Variants in ZNF385D observed in about 807,000 individuals in gnomAD.
ZNF385D encodes zinc finger protein 385D.
ZNF385D carries 15 observed loss-of-function variants against 35.8 expected under a neutral mutation model. The observed-to-expected ratio is 0.42, with a 90% CI of 0.28 to 0.64. The LOEUF is 0.64. Among genes scored for constraint, ZNF385D ranks in the 30% least tolerant of loss-of-function variants. The pLI is 0.23. For missense variants in ZNF385D, 474 were observed against 494.6 expected (o/e 0.96, Z 0.39); for synonymous variants, 212 against 186.8 (o/e 1.13, Z -1.10).
At chr3:22,314,975 C>T (rs1703804880) in intron 2 of ZNF385D, among the ~76,000 whole-genome samples, 1 of 152,062 alleles carries the variant, frequency 6.6e-6, no homozygotes, top group Non-Finnish European at 1.5e-5. Flanking sequence ...AATATGGGCC[C>T]ATCACATGTA....
intron 3 of ZNF385D, among the ~76,000 whole-genome samples, chr3:21,841,326 T>C (rs1695659048): frequency 6.6e-6 from 1 of 152,070 alleles, no homozygotes. Context: ...GTTTTTCTAC[T>C]ACAGTGTTGC....
At chr3:21,669,692 C>T (rs960467203) in intron 1 of ZNF385D, among the ~76,000 whole-genome samples, 2 of 152,150 alleles carry the variant, frequency 1.3e-5, no homozygotes, top group Non-Finnish European at 2.9e-5. Flanking sequence ...TAACACAGTG[C>T]CTGGCCAACT....
At chr3:22,131,950 G>A (rs1383360808) in intron 3 of ZNF385D, among the ~76,000 whole-genome samples, 1 of 152,166 alleles carries the variant, frequency 6.6e-6, no homozygotes, top group Non-Finnish European at 1.5e-5. Flanking sequence ...AAGCCAGTAT[G>A]GAAGTCTGAA....
chr3:21,551,303 G>A (rs2062560781), intron 3 of ZNF385D, among the ~76,000 whole-genome samples: 1 of 152,214 alleles, frequency 6.6e-6, no homozygotes, highest in African/African-American at 2.4e-5. Flanking sequence ...ACAAACAGCA[G>A]AGACATGAAC....
chr3:22,019,034 C>CTTTTTTTTTCTT (rs1697061553), intron 3 of ZNF385D, among the ~76,000 whole-genome samples: 1 of 64,460 alleles, frequency 1.6e-5, no homozygotes, highest in Non-Finnish European at 2.8e-5. Flanking sequence ...AGTTATTTAC[C>CTTTTTTTTTCTT]TTTTTTTTTT....
chr3:22,289,867 C>A (rs574583244), intron 2 of ZNF385D, among the ~76,000 whole-genome samples: 4 of 152,244 alleles, frequency 2.6e-5, no homozygotes, highest in Non-Finnish European at 4.4e-5. Flanking sequence ...TGTTCAGAAT[C>A]CTGGAGGTCT....
At chr3:22,046,727 T>C (rs905253401) in intron 3 of ZNF385D, among the ~76,000 whole-genome samples, 2 of 152,096 alleles carry the variant, frequency 1.3e-5, no homozygotes, top group African/African-American at 2.4e-5. Context: ...CTAGGTAGAG[T>C]TGAGTGTCAT....
At chr3:22,065,053 C>T (rs1361765199) in intron 3 of ZNF385D, among the ~76,000 whole-genome samples, 26 of 152,196 alleles carry the variant, frequency 1.7e-4, no homozygotes, top group Non-Finnish European at 1.5e-5. Flanking sequence ...ATGCCACCCA[C>T]TAGCTATAAG....
intron 2 of ZNF385D, among the ~76,000 whole-genome samples, chr3:22,302,746 C>T (rs894790790): frequency 1.3e-5 from 2 of 151,976 alleles, no homozygotes; most frequent in Non-Finnish European, 2.9e-5. Context: ...TATACATTTT[C>T]TAATATTGTT....
At chr3:21,973,355 T>A (rs1467572407) in intron 3 of ZNF385D, among the ~76,000 whole-genome samples, 3 of 151,958 alleles carry the variant, frequency 2.0e-5, no homozygotes, top group African/African-American at 7.2e-5. Flanking sequence ...AAGCATTTGC[T>A]ACATTTTAAC....
intron 3 of ZNF385D, among the ~76,000 whole-genome samples, chr3:22,150,306 G>A (rs981026318): frequency 1.3e-5 from 2 of 151,890 alleles, no homozygotes; most frequent in East Asian, 1.9e-4. Context: ...TGGCTCCTAG[G>A]TTATATATGT....
chr3:22,336,979 G>C (rs939879954), intron 2 of ZNF385D, among the ~76,000 whole-genome samples: 1 of 124,774 alleles, frequency 8.0e-6, no homozygotes, highest in African/African-American at 3.0e-5. Context: ...TGCTCCCTTA[G>C]TGAACACCTC....
chr3:22,127,761 A>C (rs1703522570), intron 3 of ZNF385D, among the ~76,000 whole-genome samples: 2 of 152,096 alleles, frequency 1.3e-5, no homozygotes, highest in African/African-American at 4.8e-5. Flanking sequence ...CTAAACAAGC[A>C]AAGGAAAAAC....
At chr3:22,012,128 T>G (rs1559847422) in intron 3 of ZNF385D, among the ~76,000 whole-genome samples, 1 of 152,166 alleles carries the variant, frequency 6.6e-6, no homozygotes, top group African/African-American at 2.4e-5. Flanking sequence ...CTGGATCAAT[T>G]AGTAATTAGA....
At chr3:22,264,910 A>C (rs1700819920) in intron 2 of ZNF385D, among the ~76,000 whole-genome samples, 1 of 151,952 alleles carries the variant, frequency 6.6e-6, no homozygotes, top group African/African-American at 2.4e-5. Flanking sequence ...GCCCCTTCAA[A>C]AGAAGCAGCC....
At chr3:21,925,801 C>T (rs569595046) in intron 3 of ZNF385D, among the ~76,000 whole-genome samples, 1 of 152,004 alleles carries the variant, frequency 6.6e-6, no homozygotes, top group African/African-American at 2.4e-5. Flanking sequence ...CCCAAGCAAT[C>T]CAATTAGAAA....
chr3:21,702,773 T>C (rs1373813927), intron 1 of ZNF385D, among the ~76,000 whole-genome samples: 1 of 152,164 alleles, frequency 6.6e-6, no homozygotes, highest in Non-Finnish European at 1.5e-5. Flanking sequence ...CAAATCTCTA[T>C]GGCAGGTGCA....
chr3:21,674,976 A>G (rs1362871209), intron 1 of ZNF385D, among the ~76,000 whole-genome samples: 3 of 152,012 alleles, frequency 2.0e-5, no homozygotes, highest in Non-Finnish European at 4.4e-5. Flanking sequence ...AAACAAATGA[A>G]TACATGAAGC....
At chr3:22,039,111 C>T (rs532409569) in intron 3 of ZNF385D, among the ~76,000 whole-genome samples, 4 of 151,408 alleles carry the variant, frequency 2.6e-5, no homozygotes, top group East Asian at 1.9e-4. Context: ...TGTGAACGAG[C>T]CAGAAGTGGA....
Sources: allele counts gnomAD v4.1 joint callset (sites outside exome capture counted in the v4.1 genomes callset), GRCh38; gene constraint gnomAD v4.1.1; transcripts MANE v1.5; gene names NCBI Gene and HGNC (gene_info 2026-07-23, HGNC 2026-07-21).